The following HCRTR2 variants were observed in gnomAD, a reference collection of about 807,000 sequenced individuals.
The protein encoded by HCRTR2 is orexin receptor type 2.
HCRTR2 carries 22 observed loss-of-function variants against 49.0 expected under a neutral mutation model. The observed-to-expected ratio is 0.45, with a 90% confidence interval of 0.32 to 0.64. The LOEUF (loss-of-function observed/expected upper bound fraction) is 0.64. Among genes scored for constraint, HCRTR2 ranks in the 30% least tolerant of loss-of-function variants. HCRTR2 has a pLI of 0.04. For synonymous variants in HCRTR2, 236 were observed against 205.3 expected (o/e 1.15, Z -1.28); for missense variants, 491 against 559.4 (o/e 0.88, Z 1.23).
At chr6:55,213,641 G>A (rs1181854832) in intron 1 of HCRTR2, among the ~76,000 whole-genome samples, 2 of 152,140 alleles carry the variant, frequency 1.3e-5, no homozygotes, top group East Asian at 3.9e-4. Context: ...ATAGCACAGT[G>A]CAATCTAGAA....
intron 1 of HCRTR2, among the ~76,000 whole-genome samples, chr6:55,175,055 C>T (rs1256080298): frequency 6.6e-6 from 1 of 152,028 alleles, no homozygotes; most frequent in Non-Finnish European, 1.5e-5. Flanking sequence ...GTTTCTTTTT[C>T]GAGCACCTAG....
chr6:55,245,175 G>A (rs956289857), intron 1 of HCRTR2, among the ~76,000 whole-genome samples: 12 of 151,626 alleles, frequency 7.9e-5, no homozygotes, highest in Non-Finnish European at 1.8e-4. Context: ...TTAAATATTT[G>A]AATGGACATA....
chr6:55,212,269 G>A (rs1227830442), intron 1 of HCRTR2, among the ~76,000 whole-genome samples: 1 of 152,002 alleles, frequency 6.6e-6, no homozygotes, highest in South Asian at 2.1e-4. Flanking sequence ...ATACAAATTT[G>A]GAAATGACTC....
chr6:55,234,780 T>G (rs545673411), intron 1 of HCRTR2, among the ~76,000 whole-genome samples: 1 of 152,270 alleles, frequency 6.6e-6, no homozygotes, highest in East Asian at 1.9e-4. Flanking sequence ...TTTAGAAAAC[T>G]TAACGGCAGT....
At chr6:55,261,946 A>G (rs1307485854) in intron 3 of HCRTR2, among the ~76,000 whole-genome samples, 1 of 152,188 alleles carries the variant, frequency 6.6e-6, no homozygotes, top group Non-Finnish European at 1.5e-5. Flanking sequence ...CTACTTAGCC[A>G]TAAAAAGGAA....
intron 1 of HCRTR2, among the ~76,000 whole-genome samples, chr6:55,217,641 A>G (rs1379555572): frequency 6.6e-6 from 1 of 152,166 alleles, no homozygotes. Context: ...CTGAAACCTC[A>G]TAACGGCCTT....
chr6:55,264,930 G>A (rs190574378), intron 4 of HCRTR2, among the ~76,000 whole-genome samples: 2 of 152,108 alleles, frequency 1.3e-5, no homozygotes, highest in African/African-American at 4.8e-5. Flanking sequence ...CTTTGAGGAT[G>A]TGTCTTTGTT....
At chr6:55,149,687 A>T (rs1764638686) in intron 1 of HCRTR2, among the ~76,000 whole-genome samples, 1 of 152,092 alleles carries the variant, frequency 6.6e-6, no homozygotes, top group South Asian at 2.1e-4. Context: ...AAGAACTTTT[A>T]AAAATATTTT....
intron 1 of HCRTR2, among the ~76,000 whole-genome samples, chr6:55,235,715 C>T (rs1766201452): frequency 6.6e-6 from 1 of 152,108 alleles, no homozygotes; most frequent in East Asian, 1.9e-4. Context: ...TATTCAGTAT[C>T]ATTTGTAGAA....
At chr6:55,274,198 G>A (rs2127328883) in intron 4 of HCRTR2, among the ~76,000 whole-genome samples, 1 of 144,606 alleles carries the variant, frequency 6.9e-6, no homozygotes. Flanking sequence ...TATTTATTTA[G>A]GAGTTCTTTA....
intron 1 of HCRTR2, among the ~76,000 whole-genome samples, chr6:55,126,907 C>T (rs113102371): frequency 1.3e-5 from 2 of 152,108 alleles, no homozygotes; most frequent in African/African-American, 4.8e-5. Context: ...ATGGCAGATA[C>T]CCCTCCCTCT....
At chr6:55,165,816 G>A (rs564473549) in intron 1 of HCRTR2, among the ~76,000 whole-genome samples, 216 of 127,260 alleles carry the variant, frequency 1.7e-3, no homozygotes, top group African/African-American at 6.0e-3. Context: ...ATAAAGAGAC[G>A]AATAACCCAA....
intron 4 of HCRTR2, among the ~76,000 whole-genome samples, chr6:55,267,588 T>C (rs1461028048): frequency 6.6e-6 from 1 of 152,152 alleles, no homozygotes; most frequent in Non-Finnish European, 1.5e-5. Flanking sequence ...GTGCTTGTGT[T>C]AATTTATTTC....
In HCRTR2 at chr6:55,159,291, C is replaced by CAAAAACAAAAA. The variant is rs537829438; in HGVS notation, c.-377-14919_-377-14909dup. The stretch of plus-strand genomic sequence containing the variant: ...AAAAAAACAAAAACAAAAACAAAAA[C>CAAAAACAAAAA]AAAAACAAAAACAGCACATCCGCAC... On this transcript the variant is annotated intron_variant, in intron 1 of 7. Transcript: ENST00000615358. 4.2e-3 allele frequency among the ~76,000 whole-genome samples: 635 copies of CAAAAACAAAAA among 151,858 alleles called. 6 individuals carry two copies. Among genetic ancestry groups the CAAAAACAAAAA allele is most frequent in the African/African-American group, 0.014 (593 of 41,388 alleles).
At chr6:55,276,089 T>C (rs1380912315) in intron 4 of HCRTR2, among the ~76,000 whole-genome samples, 1 of 152,204 alleles carries the variant, frequency 6.6e-6, no homozygotes, top group Non-Finnish European at 1.5e-5. Flanking sequence ...CTTTTTAAAA[T>C]GAGAGTCACA....
At chr6:55,169,956 T>G (rs1040672824), upstream of HCRTR2, among the ~76,000 whole-genome samples, 2 of 151,752 alleles carry the variant, frequency 1.3e-5, no homozygotes, top group Non-Finnish European at 2.9e-5. Context: ...AAGTTACACC[T>G]GCAAAAAAGA....
At chr6:55,194,800 T>G (rs1765381628) in intron 1 of HCRTR2, among the ~76,000 whole-genome samples, 1 of 152,120 alleles carries the variant, frequency 6.6e-6, no homozygotes. Context: ...ATCAAAACGA[T>G]AAGACATTAA....
At position 55,212,039 on chromosome 6, in the gene HCRTR2, C is replaced by G. The variant is rs192699790; in HGVS notation, c.224-36600C>G. Among the ~76,000 whole-genome samples the G allele has an allele frequency of 6.7e-4, 102 of 152,270 alleles. No homozygotes were observed. In the East Asian group the frequency reaches 0.019, roughly 28 times the overall value. ...TCAAGAACAACAACAAAAAGTGTTA[C>G]ATTAATAAACACACACACATACATA... On this transcript the variant is annotated intron_variant, in intron 1 of 6. Transcript: ENST00000370862.
At chr6:55,193,007 A>G (rs1433240980) in intron 1 of HCRTR2, among the ~76,000 whole-genome samples, 1 of 152,164 alleles carries the variant, frequency 6.6e-6, no homozygotes, top group African/African-American at 2.4e-5. Flanking sequence ...TCAGTCTAGA[A>G]CTTGATGTTC....
Sources: allele counts gnomAD v4.1 joint callset (sites outside exome capture counted in the v4.1 genomes callset), GRCh38; gene constraint gnomAD v4.1.1; transcripts MANE v1.5; gene names NCBI Gene and HGNC (gene_info 2026-07-23, HGNC 2026-07-21).